The following IGF2R variants were observed in gnomAD, a reference collection of about 807,000 sequenced individuals.
The protein encoded by IGF2R is insulin like growth factor 2 receptor.
IGF2R carries 91 observed loss-of-function variants against 270.6 expected under a neutral mutation model. That is an observed-to-expected ratio of 0.34 (90% CI 0.28 to 0.40). The LOEUF (loss-of-function observed/expected upper bound fraction) is 0.40. Ranked by LOEUF, IGF2R falls within the 10% of genes least tolerant of loss-of-function variation. The probability of loss-of-function intolerance (pLI) is 1.00; values close to 1 mark genes in which losing one functional copy is unlikely to be tolerated. For missense variants in IGF2R, 2,805 were observed against 3,188.3 expected (o/e 0.88, Z 2.90); for synonymous variants, 1,316 against 1,258.9 (o/e 1.05, Z -0.96).
intron 31 of IGF2R, among the ~76,000 whole-genome samples, chr6:160,071,258 G>A (rs754143447): frequency 0.041 from 4,192 of 102,804 alleles, 93 homozygotes; most frequent in East Asian, 0.17. Flanking sequence ...CCTGTGCCCA[G>A]GGCCCAGGAG....
In IGF2R at chr6:160,073,922, C is replaced by T. The variant is rs1778800877; in HGVS notation, c.5113C>T (p.Pro1705Ser). ...CQPLNPMHGV[P>S]CPAGAAVCKV... ...GCCACTAAATCCCATGCACGGAGTG[C>T]CCTGTCCTGCCGGAGCCGCTGTGTG... Residue 1705 changes from proline to serine, a missense_variant, in exon 35 of 48, where the codon CCC becomes TCC. Coordinates refer to ENST00000356956, the MANE Select transcript of IGF2R (RefSeq NM_000876.4). 4 of 1,614,036 alleles carry T rather than the reference C, an allele frequency of 2.5e-6. No homozygotes were observed. In the South Asian group the frequency reaches 4.4e-5, roughly 18 times the overall value.
intron 12 of IGF2R, 128 bp downstream of exon 12, chr6:160,043,416 A>C (rs777590473): frequency 1.8e-6 from 2 of 1,110,892 alleles, no homozygotes; most frequent in Non-Finnish European, 1.3e-6. Context: ...GGATGGTAAA[A>C]ATTTTTCATT....
rs550481568 is a variant in IGF2R, at chr6:160,049,795, T to C, written c.2515-678T>C. On this transcript the variant is annotated intron_variant, in intron 18 of 47. Coordinates refer to ENST00000356956, the MANE Select transcript of IGF2R (RefSeq NM_000876.4). ...GCATGAGTTGTCTTGGGATTTCAGA[T>C]TTATAATCTGTGTGTAATAGGTTTG... Among the ~76,000 whole-genome samples, 30 of 152,298 alleles carry C rather than the reference T, an allele frequency of 2.0e-4. No homozygotes were observed. The South Asian group carries it at 5.8e-3, about 29-fold the overall frequency.
intron 1 of IGF2R, among the ~76,000 whole-genome samples, chr6:159,970,951 A>G (rs1254100638): frequency 3.3e-5 from 5 of 151,930 alleles, no homozygotes; most frequent in Admixed American, 2.6e-4. Flanking sequence ...GCGGTGGCAC[A>G]CTCCTGTCCT....
intron 23 of IGF2R, 43 bp from the exon 24 acceptor site, chr6:160,061,460 A>C (rs1778436321): frequency 6.2e-7 from 1 of 1,603,680 alleles, no homozygotes; most frequent in African/African-American, 1.3e-5. Flanking sequence ...GAGTGCTCAC[A>C]AGGAGGCAGA....
At chr6:159,999,617 C>T (rs1346448021) in intron 2 of IGF2R, among the ~76,000 whole-genome samples, 2 of 152,124 alleles carry the variant, frequency 1.3e-5, no homozygotes, top group African/African-American at 4.8e-5. Context: ...TGTGAACCTT[C>T]AAAACAACCA....
At chr6:160,032,430 CAG>C in intron 7 of IGF2R, 119 bp from the exon 8 acceptor site, 1 of 850,018 alleles carries the variant, frequency 1.2e-6, no homozygotes, top group East Asian at 2.7e-5. Flanking sequence ...ATTCAAAAAA[CAG>C]AAACAGCAAA....
intron 35 of IGF2R, 151 bp from the exon 36 acceptor site, chr6:160,075,696 T>A (rs1176095189): frequency 1.2e-5 from 8 of 675,252 alleles, no homozygotes; most frequent in Admixed American, 2.7e-5. Flanking sequence ...GCCTTCCAAC[T>A]GGAGTTGGTA....
chr6:160,052,076 C>T (rs1312095765), intron 19 of IGF2R, among the ~76,000 whole-genome samples: 1 of 151,966 alleles, frequency 6.6e-6, no homozygotes, highest in Non-Finnish European at 1.5e-5. Flanking sequence ...GTGATGTGCA[C>T]CTGTAGTCCT....
At chr6:160,059,385 A>G (rs868665113) in intron 22 of IGF2R, among the ~76,000 whole-genome samples, 6 of 152,196 alleles carry the variant, frequency 3.9e-5, no homozygotes, top group Admixed American at 1.3e-4. Flanking sequence ...GTCATTACAG[A>G]TATTGTTACA....
In IGF2R at chr6:160,060,607, T is replaced by A; in HGVS notation, c.3152T>A (p.Leu1051His). Residue 1051 changes from leucine to histidine, a missense_variant, in exon 23 of 48, where the codon CTC (leucine) becomes CAC (histidine). By Grantham distance (99) the Leu-to-His change is moderately conservative. Around this residue, in one of 2 missense-constraint regions of IGF2R, gnomAD observed 1,851 missense variants for 2,207.2 expected, o/e 0.84. Coordinates refer to ENST00000356956, the MANE Select transcript of IGF2R (RefSeq NM_000876.4). ...VCNDDVYSGP[L>H]KFLHQDIDSG... ...AATGATGATGTTTACTCAGGGCCCCTCAAATTCCTGCATCAAGATATCGAC... is the reference window on the plus strand; with the variant it reads ...AATGATGATGTTTACTCAGGGCCCCACAAATTCCTGCATCAAGATATCGAC... The A allele has an allele frequency of 6.2e-7, 1 of 1,614,256 alleles. No individual in the cohort carries two copies. Among genetic ancestry groups the A allele is most frequent in the Non-Finnish European group, 8.5e-7 (1 of 1,180,040 alleles).
chr6:160,057,907 G>GGAGAAACAGTTTTGTCAGGTGCA (rs1256907830), intron 20 of IGF2R, 116 bp from the exon 21 acceptor site: 5 of 657,676 alleles, frequency 7.6e-6, no homozygotes, highest in Non-Finnish European at 1.4e-5. Context: ...GAAAGTAAAT[G>GGAGAAACAGTTTTGTCAGGTGCA]GAGAAACAGT....
intron 29 of IGF2R, among the ~76,000 whole-genome samples, chr6:160,067,586 T>C (rs1403366113): frequency 6.6e-6 from 1 of 152,234 alleles, no homozygotes; most frequent in Non-Finnish European, 1.5e-5. Context: ...CCAGTTTTTA[T>C]TCCCCTCTGA....
rs1779625678 is a variant in IGF2R at position 160,106,538 on chromosome 6, A to G, written c.*1454A>G. ...TAAAGTATTCAACAATTTCAATAAA[A>G]GATAAATTATTAATTGGGTGTTACC... is the stretch of plus-strand genomic sequence containing the variant. On this transcript the variant is annotated 3_prime_UTR_variant, in exon 48 of 48. Coordinates refer to ENST00000356956, the MANE Select transcript of IGF2R (RefSeq NM_000876.4). 6.6e-6 allele frequency: 1 copy of G among 152,358 alleles called. No individual in the cohort carries two copies. The highest frequency in any genetic ancestry group is 1.5e-5 in the Non-Finnish European group (1 of 68,038). The allele number at this position is 152,358 out of a possible 1,614,324, so 9.4% of individuals were successfully genotyped here. A position where few individuals can be genotyped will look rare whatever the true frequency, so the allele number is the denominator to read the frequency against.
At position 160,107,596 on chromosome 6, in the gene IGF2R, T is replaced by G. The variant is rs1196174795; in HGVS notation, c.*2512T>G. 2 of 152,284 alleles carry G rather than the reference T, an allele frequency of 1.3e-5. No homozygotes were observed. The highest frequency in any genetic ancestry group is 2.1e-4 in the South Asian group (1 of 4,828). The allele number at this position is 152,284 out of a possible 1,614,324, so 9.4% of individuals were successfully genotyped here. A position where few individuals can be genotyped will look rare whatever the true frequency, so the allele number is the denominator to read the frequency against. ...GTATTTAGCTTCCTTTCAACAAAATTTTTTGTGCCCCTTTCTTGAGACTGT... is the reference window on the plus strand; with the variant it reads ...GTATTTAGCTTCCTTTCAACAAAATGTTTTGTGCCCCTTTCTTGAGACTGT... On this transcript the variant is annotated 3_prime_UTR_variant, in exon 48 of 48. Transcript: ENST00000356956.
intron 4 of IGF2R, among the ~76,000 whole-genome samples, chr6:160,015,840 G>T (rs1777278678): frequency 6.6e-6 from 1 of 152,206 alleles, no homozygotes; most frequent in Non-Finnish European, 1.5e-5. Context: ...TCATGACAGT[G>T]AGTGAATTCT....
At chr6:159,997,254 A>G (rs1367308292) in intron 2 of IGF2R, among the ~76,000 whole-genome samples, 3 of 151,986 alleles carry the variant, frequency 2.0e-5, no homozygotes, top group Admixed American at 2.0e-4. Context: ...CTGAGGGTAG[A>G]TCTCTGGGAA....
Position 160,040,842 on chromosome 6 carries a change from C to A in IGF2R, c.1480+118C>A. ...GTCAGTGGGTTGCGTCACAGCCCTCCCCCAGTTTTTTCATGTGGCTGTGTG... is the reference window on the plus strand; with the variant it reads ...GTCAGTGGGTTGCGTCACAGCCCTCACCCAGTTTTTTCATGTGGCTGTGTG... On this transcript the variant is annotated intron_variant, in intron 11 of 47. Transcript: ENST00000356956. 8.0e-6 allele frequency: 8 copies of A among 1,002,958 alleles called. No homozygotes were observed. In the South Asian group the frequency reaches 8.0e-5, roughly 10 times the overall value. 62.1% of individuals were successfully genotyped at this position (1,002,958 alleles called of 1,614,324 possible).
At position 160,075,982 on chromosome 6, in the gene IGF2R, A is replaced by G. The variant is rs780520893; in HGVS notation, c.5302A>G (p.Arg1768Gly). 1 of 1,614,214 alleles carries G rather than the reference A, an allele frequency of 6.2e-7. No homozygotes were observed. Residue 1768 changes from arginine to glycine, a missense_variant, in exon 36 of 48, where the codon AGA (arginine) becomes GGA (glycine). Around this residue, in one of 2 missense-constraint regions of IGF2R, gnomAD observed 1,851 missense variants for 2,207.2 expected, o/e 0.84. Coordinates refer to ENST00000356956, the MANE Select transcript of IGF2R (RefSeq NM_000876.4). Reference sequence around the variant, plus strand: ...CTCGCTCATCGCGTTTCACTGTAAGAGAGGTGTGAGCATGGTAAGTGTGGG... The same window carrying G: ...CTCGCTCATCGCGTTTCACTGTAAGGGAGGTGTGAGCATGGTAAGTGTGGG... The part of the protein sequence containing the change: ...YTSLIAFHCK[R>G]GVSMGTPKLL...
Sources: allele counts gnomAD v4.1 joint callset (sites outside exome capture counted in the v4.1 genomes callset), GRCh38; gene constraint gnomAD v4.1.1; regional missense constraint gnomAD v4.1.1; transcripts MANE v1.5; gene names NCBI Gene and HGNC (gene_info 2026-07-23, HGNC 2026-07-21).